Variants in FRMPD4 observed in about 807,000 individuals in gnomAD.
FRMPD4 encodes the protein FERM and PDZ domain-containing protein 4.
Under a neutral mutation model 94.1 loss-of-function variants are expected in FRMPD4, and 22 were observed. The ratio of observed to expected loss-of-function variants is 0.23; its 90% confidence interval spans 0.17 to 0.33. The LOEUF (loss-of-function observed/expected upper bound fraction) is 0.33. Ranked by LOEUF, FRMPD4 falls within the 10% of genes least tolerant of loss-of-function variation. The pLI is 1.00. For missense variants in FRMPD4, 1,111 were observed against 1,339.9 expected (o/e 0.83, Z 2.67); for synonymous variants, 631 against 548.6 (o/e 1.15, Z -2.10).
chrX:12,705,288 T>C (rs751679657), intron 11 of FRMPD4, among the ~76,000 whole-genome samples: 25 of 111,822 alleles, frequency 2.2e-4, no homozygotes, highest in Non-Finnish European at 4.1e-4. Context: ...TTATAGGTAA[T>C]AAAAAGCAAA....
At chrX:11,891,359 C>T (rs1176429050) in intron 3 of FRMPD4, among the ~76,000 whole-genome samples, 1 of 112,323 alleles carries the variant, frequency 8.9e-6, no homozygotes, top group Non-Finnish European at 1.9e-5. Context: ...GCAATTTCCT[C>T]CTTGCTGTTC....
intron 4 of FRMPD4, among the ~76,000 whole-genome samples, chrX:12,625,526 A>C (rs1347985076): frequency 8.9e-6 from 1 of 112,111 alleles, no homozygotes; most frequent in African/African-American, 3.2e-5. Flanking sequence ...TAAGTGAAAT[A>C]AGCCAGACAC....
chrX:12,451,892 C>G (rs749300076), intron 1 of FRMPD4, among the ~76,000 whole-genome samples: 1 of 110,586 alleles, frequency 9.0e-6, no homozygotes, highest in East Asian at 2.8e-4. Flanking sequence ...TCACCTTCTC[C>G]TTGAACTTTT....
At chrX:12,494,604 G>C (rs1029786233) in intron 1 of FRMPD4, among the ~76,000 whole-genome samples, 1 of 111,367 alleles carries the variant, frequency 9.0e-6, no homozygotes, top group Non-Finnish European at 1.9e-5. Flanking sequence ...CCTCCAGGTG[G>C]CTCCTGAAAG....
chrX:12,229,987 A>G (rs1296086812), intron 1 of FRMPD4, among the ~76,000 whole-genome samples: 1 of 111,470 alleles, frequency 9.0e-6, no homozygotes, highest in African/African-American at 3.3e-5. Flanking sequence ...CCCACCTTGG[A>G]TGTGTCCTCT....
At chrX:12,618,649 GA>G (rs1187110432) in intron 4 of FRMPD4, among the ~76,000 whole-genome samples, 2 of 108,220 alleles carry the variant, frequency 1.8e-5, no homozygotes, top group Non-Finnish European at 3.9e-5. Context: ...TGCAGATATT[GA>G]AAAAAAAACC....
In FRMPD4 at chrX:12,391,327, A is replaced by C. The variant is rs189993988; in HGVS notation, c.42-107353A>C. ...TCTCCAGGGGCAATGTCCCAGGCAG[A>C]AGTTAATGCTACCTACAGACATCTG... On this transcript the variant is annotated intron_variant, in intron 1 of 16. Coordinates refer to ENST00000675598, the MANE Select transcript of FRMPD4 (RefSeq NM_001368397.1). Among the ~76,000 whole-genome samples, 512 of 112,030 alleles carry C rather than the reference A, an allele frequency of 4.6e-3. 2 individuals are homozygous for C. Among genetic ancestry groups the C allele is most frequent in the African/African-American group, 0.016 (480 of 30,793 alleles).
intron 13 of FRMPD4, among the ~76,000 whole-genome samples, chrX:12,708,211 C>A (rs966983520): frequency 4.5e-5 from 5 of 111,333 alleles, no homozygotes; most frequent in Non-Finnish European, 7.5e-5. Flanking sequence ...GTGGCTGATG[C>A]CTGTAATCTC....
intron 1 of FRMPD4, among the ~76,000 whole-genome samples, chrX:12,344,377 C>G (rs1392915523): frequency 9.0e-6 from 1 of 111,355 alleles, no homozygotes; most frequent in Admixed American, 9.5e-5. Context: ...CCCTCCAGTA[C>G]TGCTCAAATT....
At chrX:12,179,346 A>G (rs1476501) in intron 1 of FRMPD4, among the ~76,000 whole-genome samples, 15,307 of 110,517 alleles carry the variant, frequency 0.14, 1,252 homozygotes, top group African/African-American at 0.3. Context: ...TACCCTCTTA[A>G]TGGGAGGAGA....
intron 1 of FRMPD4, among the ~76,000 whole-genome samples, chrX:12,243,216 C>T (rs1025211712): frequency 2.7e-5 from 3 of 112,256 alleles, no homozygotes; most frequent in South Asian, 7.5e-4. Context: ...GTCATTCCCA[C>T]CTCGTGTTTT....
intron 3 of FRMPD4, among the ~76,000 whole-genome samples, chrX:11,888,872 A>G (rs941766776): frequency 1.8e-5 from 2 of 112,734 alleles, no homozygotes; most frequent in Middle Eastern, 4.2e-3. Context: ...TGTAGGAAAA[A>G]TGGTGCTGAT....
chrX:11,976,601 G>A (rs939541392), intron 3 of FRMPD4, among the ~76,000 whole-genome samples: 3 of 112,372 alleles, frequency 2.7e-5, no homozygotes, highest in African/African-American at 9.7e-5. Flanking sequence ...AATTACAATT[G>A]TTCAAAGAAT....
At chrX:12,353,103 C>A (rs2055840497) in intron 1 of FRMPD4, among the ~76,000 whole-genome samples, 1 of 111,861 alleles carries the variant, frequency 8.9e-6, no homozygotes, top group African/African-American at 3.3e-5. Flanking sequence ...GGTTGGCTGG[C>A]TTTCAGGACC....
intron 1 of FRMPD4, among the ~76,000 whole-genome samples, chrX:11,850,480 T>G (rs1388765679): frequency 2.7e-5 from 3 of 112,384 alleles, no homozygotes; most frequent in African/African-American, 9.7e-5. Context: ...AAGCAGGATC[T>G]TGGAAAGATA....
chrX:12,544,345 C>G (rs1178074501), intron 2 of FRMPD4, among the ~76,000 whole-genome samples: 3 of 111,784 alleles, frequency 2.7e-5, no homozygotes, highest in South Asian at 3.8e-4. Context: ...GAAAAGATCA[C>G]TCAATTATAT....
At chrX:12,095,689 C>G (rs1024464526) in intron 3 of FRMPD4, among the ~76,000 whole-genome samples, 12 of 112,013 alleles carry the variant, frequency 1.1e-4, no homozygotes, top group Non-Finnish European at 1.9e-5. Context: ...GCCACCTCCC[C>G]TGTTGTCCAA....
chrX:12,134,111 T>C (rs1188159824), upstream of FRMPD4, among the ~76,000 whole-genome samples: 1 of 112,438 alleles, frequency 8.9e-6, no homozygotes, highest in Non-Finnish European at 1.9e-5. Flanking sequence ...TGCTCTTCCA[T>C]ATGAATTTTG....
At chrX:12,109,499 T>A (rs1305129480) in intron 3 of FRMPD4, among the ~76,000 whole-genome samples, 1 of 111,002 alleles carries the variant, frequency 9.0e-6, no homozygotes, top group Non-Finnish European at 1.9e-5. Flanking sequence ...GACCCTAACA[T>A]CACAATTAAA....
Sources: gnomAD v4.1 joint callset for allele counts (sites outside exome capture counted in the v4.1 genomes callset) on GRCh38, gnomAD v4.1.1 for gene constraint, MANE v1.5 for transcripts, NCBI Gene and HGNC (gene_info 2026-07-23, HGNC 2026-07-21) for gene names.